Variants in ERC2 observed in about 807,000 individuals in gnomAD.
ERC2 encodes the protein ELKS/RAB6-interacting/CAST family member 2.
A neutral mutation model predicts 114.8 loss-of-function variants in ERC2; 42 were observed. The ratio of observed to expected loss-of-function variants is 0.37; its 90% CI spans 0.29 to 0.47. ERC2 has a LOEUF of 0.47. Among genes scored for constraint, ERC2 ranks in the 20% least tolerant of loss-of-function variants. The pLI, the probability that ERC2 is intolerant of heterozygous loss-of-function variation, is 0.99. For missense variants in ERC2, 939 were observed against 1,150.7 expected (o/e 0.82, Z 2.66); for synonymous variants, 454 against 425.5 (o/e 1.07, Z -0.82).
At chr3:56,416,351 C>T (rs543757096) in intron 2 of ERC2, among the ~76,000 whole-genome samples, 2 of 152,136 alleles carry the variant, frequency 1.3e-5, no homozygotes, top group African/African-American at 4.8e-5. Flanking sequence ...CATGAAAAAC[C>T]CCTCTTCATA....
intron 2 of ERC2, among the ~76,000 whole-genome samples, chr3:56,420,786 C>T (rs561663314): frequency 3.3e-5 from 5 of 150,510 alleles, no homozygotes; most frequent in East Asian, 2.0e-4. Context: ...CCTGGCTACT[C>T]GGGAGGCTGA....
intron 6 of ERC2, among the ~76,000 whole-genome samples, chr3:56,096,237 CATT>C (rs1576913604): frequency 6.6e-6 from 1 of 152,308 alleles, no homozygotes; most frequent in South Asian, 2.1e-4. Flanking sequence ...TAAATTTAGT[CATT>C]AGAGTATTTA....
chr3:55,876,318 G>C (rs1483255029), intron 14 of ERC2, among the ~76,000 whole-genome samples: 1 of 152,008 alleles, frequency 6.6e-6, no homozygotes, highest in Non-Finnish European at 1.5e-5. Flanking sequence ...GAAACCCTAT[G>C]AATTGGGATT....
intron 2 of ERC2, among the ~76,000 whole-genome samples, chr3:56,318,472 C>G (rs563483891): frequency 6.6e-6 from 1 of 152,132 alleles, no homozygotes; most frequent in East Asian, 1.9e-4. Context: ...CCACTGCAAC[C>G]AGCCTGTTTT....
chr3:55,675,188 T>C (rs928954511), intron 17 of ERC2, among the ~76,000 whole-genome samples: 1 of 152,216 alleles, frequency 6.6e-6, no homozygotes, highest in African/African-American at 2.4e-5. Context: ...ATTTACATTA[T>C]ATTTCCCAGA....
chr3:56,345,169 C>G (rs1389670975), intron 2 of ERC2, among the ~76,000 whole-genome samples: 1 of 152,206 alleles, frequency 6.6e-6, no homozygotes, highest in East Asian at 1.9e-4. Context: ...AGGCCCATAG[C>G]TGACCCAGAC....
intron 3 of ERC2, among the ~76,000 whole-genome samples, chr3:56,248,247 C>T (rs1010699227): frequency 6.6e-6 from 1 of 152,088 alleles, no homozygotes; most frequent in Admixed American, 6.5e-5. Flanking sequence ...CATGCACCAC[C>T]ATGCCCAGGT....
intron 17 of ERC2, among the ~76,000 whole-genome samples, chr3:55,580,231 A>T (rs902510402): frequency 3.5e-5 from 5 of 144,828 alleles, no homozygotes; most frequent in African/African-American, 1.3e-4. Context: ...TAGGAAGCAT[A>T]TTTTTTTTTT....
At chr3:56,057,642 T>TTC (rs750724524) in intron 7 of ERC2, among the ~76,000 whole-genome samples, 28 of 152,318 alleles carry the variant, frequency 1.8e-4, no homozygotes, top group Admixed American at 6.5e-4. Context: ...CATGTGGGTG[T>TTC]TGTGAAGATT....
At chr3:56,431,665 G>C (rs1160799785) in intron 2 of ERC2, among the ~76,000 whole-genome samples, 1 of 152,104 alleles carries the variant, frequency 6.6e-6, no homozygotes, top group Non-Finnish European at 1.5e-5. Context: ...CTTCCAAAAA[G>C]AGAAGACAGT....
At chr3:55,843,006 G>T (rs1461016174) in intron 14 of ERC2, among the ~76,000 whole-genome samples, 1 of 152,178 alleles carries the variant, frequency 6.6e-6, no homozygotes, top group African/African-American at 2.4e-5. Context: ...ACATAGGACT[G>T]CTGGTTATTG....
intron 3 of ERC2, among the ~76,000 whole-genome samples, chr3:56,286,135 C>T (rs997766942): frequency 3.3e-5 from 5 of 152,038 alleles, no homozygotes; most frequent in Admixed American, 1.3e-4. Context: ...AATAGGTGGC[C>T]GGGCGCGGTG....
rs1227144867 is a variant in ERC2 at position 56,296,415 on chromosome 3, C to T, written c.678G>A (p.Gln226=). 19 of 1,612,986 alleles carry T rather than the reference C, an allele frequency of 1.2e-5. No homozygotes were observed. Among genetic ancestry groups the T allele is most frequent in the Middle Eastern group, 1.7e-4 (1 of 6,058 alleles). Residue 226 remains glutamine, a synonymous_variant, in exon 3 of 18, where the codon CAG becomes CAA. Transcript: ENST00000288221. ...GGGTTCGCAGCTCATCTTGAAGGGC[C>T]TGGATTGTCAACTGTAGGTGCTGCA... is the stretch of plus-strand genomic sequence containing the variant. ...EENQHLQLTI[Q]ALQDELRTQR...
In ERC2 at chr3:56,007,054, A is replaced by G. The variant is rs1488598974; in HGVS notation, c.2061+127T>C. 3.3e-5 allele frequency: 26 copies of G among 788,738 alleles called. No individual in the cohort carries two copies. The South Asian group carries it at 4.5e-4, about 14-fold the overall frequency. The allele number at this position is 788,738 out of a possible 1,614,324, so 48.9% of individuals were successfully genotyped here. The stretch of plus-strand genomic sequence containing the variant: ...TTAGCAATAAAGTTAAGAGTATTTA[A>G]TTAATTCTTTTATCAGCAGACAGCA... On this transcript the variant is annotated intron_variant, in intron 10 of 17. Coordinates refer to ENST00000288221, the MANE Select transcript of ERC2 (RefSeq NM_015576.3).
At chr3:55,930,709 C>A (rs1464811282) in intron 13 of ERC2, among the ~76,000 whole-genome samples, 1 of 152,122 alleles carries the variant, frequency 6.6e-6, no homozygotes, top group Admixed American at 6.5e-5. Context: ...GCCTTCATGA[C>A]TAAAACACCA....
chr3:56,065,427 C>T (rs377313140), intron 7 of ERC2, among the ~76,000 whole-genome samples: 2 of 151,832 alleles, frequency 1.3e-5, no homozygotes, highest in African/African-American at 4.8e-5. Flanking sequence ...TCACTCTGTT[C>T]CCCGGGCTGC....
At chr3:55,673,635 G>C (rs374295604) in intron 17 of ERC2, among the ~76,000 whole-genome samples, 2 of 152,020 alleles carry the variant, frequency 1.3e-5, no homozygotes, top group East Asian at 3.9e-4. Context: ...TCGATAACAT[G>C]ATTTTTATCA....
chr3:56,179,299 T>A (rs1377305247), intron 3 of ERC2, among the ~76,000 whole-genome samples: 2 of 151,914 alleles, frequency 1.3e-5, no homozygotes, highest in African/African-American at 4.8e-5. Context: ...GCCAAAGAAG[T>A]GCAGGGGTGG....
intron 4 of ERC2, among the ~76,000 whole-genome samples, chr3:56,158,623 C>G (rs957663794): frequency 6.6e-6 from 1 of 152,062 alleles, no homozygotes; most frequent in South Asian, 2.1e-4. Flanking sequence ...GGACCCATTT[C>G]CCAGATGGGA....
Sources: gnomAD v4.1 joint callset for allele counts (sites outside exome capture counted in the v4.1 genomes callset) on GRCh38, gnomAD v4.1.1 for gene constraint, MANE v1.5 for transcripts, NCBI Gene and HGNC (gene_info 2026-07-23, HGNC 2026-07-21) for gene names.